Variants in RAPGEFL1 observed in about 807,000 individuals in gnomAD.
RAPGEFL1 encodes rap guanine nucleotide exchange factor-like 1.
RAPGEFL1 carries 31 observed loss-of-function variants against 64.4 expected under a neutral mutation model. The ratio of observed to expected loss-of-function variants is 0.48; its 90% confidence interval spans 0.36 to 0.65. The LOEUF (loss-of-function observed/expected upper bound fraction) is 0.65, where lower values mean the gene tolerates loss of function less well. Ranked by LOEUF, RAPGEFL1 falls within the 30% of genes least tolerant of loss-of-function variation. The probability of loss-of-function intolerance (pLI) is 0.00; values close to 1 mark genes in which losing one functional copy is unlikely to be tolerated. For missense variants in RAPGEFL1, 682 were observed against 677.4 expected (o/e 1.01, Z -0.08); for synonymous variants, 331 against 274.1 (o/e 1.21, Z -2.05).
intron 1 of RAPGEFL1, among the ~76,000 whole-genome samples, chr17:40,180,459 C>T (rs1383408109): frequency 3.3e-5 from 5 of 152,116 alleles, no homozygotes; most frequent in Non-Finnish European, 7.4e-5. Context: ...CCAATGTTCT[C>T]AAGTCATCCT....
Position 40,191,746 on chromosome 17 carries a change from G to C in RAPGEFL1, c.1605+74G>C. On this transcript the variant is annotated intron_variant, in intron 10 of 14. Transcript: ENST00000620260. This position sits in a 1 kb window ranked among gnomAD's most constrained non-coding sequence, Gnocchi z 5.1. The stretch of plus-strand genomic sequence containing the variant: ...TCCCCGAAGTGCGTCCTCCCGGGAC[G>C]GCCGCCGGCCTGGAGGGAGTCTTTG... 1 of 1,448,158 alleles carries C rather than the reference G, an allele frequency of 6.9e-7. No individual in the cohort carries two copies. Among genetic ancestry groups the C allele is most frequent in the Non-Finnish European group, 9.5e-7 (1 of 1,051,378 alleles). 89.7% of individuals were successfully genotyped at this position (1,448,158 alleles called of 1,614,324 possible).
chr17:40,184,045 T>C (rs1989982398), intron 2 of RAPGEFL1, among the ~76,000 whole-genome samples, 169 bp from the exon 3 acceptor site: 1 of 151,956 alleles, frequency 6.6e-6, no homozygotes, highest in South Asian at 2.1e-4. Context: ...CGTTTCACCA[T>C]GTTGGCCAGA....
intron 1 of RAPGEFL1, among the ~76,000 whole-genome samples, chr17:40,180,164 C>T (rs865832181): frequency 6.6e-6 from 1 of 152,184 alleles, no homozygotes; most frequent in Non-Finnish European, 1.5e-5. Flanking sequence ...CGTTTCCTCA[C>T]CCTCATCCCT....
At chr17:40,184,110 C>A in intron 2 of RAPGEFL1, 104 bp from the exon 3 acceptor site, 1 of 873,362 alleles carries the variant, frequency 1.1e-6, no homozygotes, top group Non-Finnish European at 1.9e-6. Flanking sequence ...TCCCAAACTG[C>A]TGGGATTATA....
chr17:40,181,335 C>T (rs1327595473), intron 1 of RAPGEFL1: 1 of 567,544 alleles, frequency 1.8e-6, no homozygotes, highest in African/African-American at 1.9e-5. Context: ...TGACCAACTT[C>T]CCACATACGC....
chr17:40,183,167 TA>T (rs1261040862), intron 2 of RAPGEFL1, among the ~76,000 whole-genome samples: 2 of 151,868 alleles, frequency 1.3e-5, no homozygotes, highest in African/African-American at 4.8e-5. Context: ...AATAAATAAA[TA>T]AATAAAAGTA....
At position 40,192,675 on chromosome 17, in the gene RAPGEFL1, G is replaced by A. The variant is rs1404074444; in HGVS notation, c.1726G>A (p.Val576Met). 2.0e-5 allele frequency: 33 copies of A among 1,613,518 alleles called. No individual in the cohort carries two copies. Among genetic ancestry groups the A allele is most frequent in the African/African-American group, 2.7e-5 (2 of 74,810 alleles). The part of the protein sequence containing the change: ...SKMKPPVIPF[V>M]PLILKDLTFL... Reference sequence around the variant, plus strand: ...AATGAAGCCCCCTGTGATTCCCTTCGTGCCTCTGATCCTCAAAGGTGAGAG... The same window carrying A: ...AATGAAGCCCCCTGTGATTCCCTTCATGCCTCTGATCCTCAAAGGTGAGAG... Residue 576 changes from valine (V) to methionine (M), a missense_variant, in exon 12 of 15, where the codon GTG (valine) becomes ATG (methionine). This residue lies in a region of RAPGEFL1 where 411 missense variants were observed against 519.4 expected (regional missense o/e 0.79). Transcript: ENST00000620260.
In RAPGEFL1 at chr17:40,192,331, C is replaced by T. The variant is rs1990304637; in HGVS notation, c.1656+68C>T. 4 of 1,507,478 alleles carry T rather than the reference C, an allele frequency of 2.7e-6. No individual in the cohort carries two copies. The East Asian group carries it at 9.1e-5, about 34-fold the overall frequency. 93.4% of individuals were successfully genotyped at this position (1,507,478 alleles called of 1,614,324 possible). ...CCAGAAACCCTCTGTTCCCATAAAC[C>T]CCCTTCCTCAAGCTTTCCTTTCAAG... On this transcript the variant is annotated intron_variant, in intron 11 of 14. Transcript: ENST00000620260.
intron 2 of RAPGEFL1, among the ~76,000 whole-genome samples, 160 bp from the exon 3 acceptor site, chr17:40,184,054 G>C (rs894216915): frequency 6.6e-6 from 1 of 151,890 alleles, no homozygotes. Flanking sequence ...ATGTTGGCCA[G>C]ACTGGTCTCG....
rs1468827171 is a variant in RAPGEFL1, at chr17:40,191,103, G to C, written c.1336-213G>C. ...GCCGTGAGCGAATGCCTGGCACCTAGTAAGTGCTCAGTAGCTGGTGAAATA... is the reference window on the plus strand; with the variant it reads ...GCCGTGAGCGAATGCCTGGCACCTACTAAGTGCTCAGTAGCTGGTGAAATA... On this transcript the variant is annotated intron_variant, in intron 8 of 14. Coordinates refer to ENST00000620260, the MANE Select transcript of RAPGEFL1 (RefSeq NM_016339.6). This position sits in a 1 kb window ranked among gnomAD's most constrained non-coding sequence, Gnocchi z 5.1. 3.6e-5 allele frequency: 22 copies of C among 604,148 alleles called. No individual in the cohort carries two copies. The highest frequency in any genetic ancestry group is 5.7e-5 in the Non-Finnish European group (20 of 351,068). The allele number at this position is 604,148 out of a possible 1,614,324, so 37.4% of individuals were successfully genotyped here.
chr17:40,191,323 T>A lies in RAPGEFL1; in HGVS notation c.1343T>A (p.Phe448Tyr). ...ELFRCVHELE[F>Y]VDYVFHGERG... is the part of the protein sequence containing the mutation. ...CCGCTGCCGTGGGTGCAGCTGGAGT[T>A]CGTGGACTACGTGTTCCACGGGGAG... Residue 448 changes from phenylalanine to tyrosine, a missense_variant, in exon 9 of 15, where the codon TTC (phenylalanine) becomes TAC (tyrosine). Physicochemically the swap from Phe to Tyr is conservative, Grantham distance 22. This residue lies in a region of RAPGEFL1 where 411 missense variants were observed against 519.4 expected (regional missense o/e 0.79). Transcript: ENST00000620260. This position sits in a 1 kb window ranked among gnomAD's most constrained non-coding sequence, Gnocchi z 5.1. 6.3e-7 allele frequency: 1 copy of A among 1,580,954 alleles called. No homozygotes were observed. Among genetic ancestry groups the A allele is most frequent in the Non-Finnish European group, 8.5e-7 (1 of 1,172,480 alleles).
intron 4 of RAPGEFL1, among the ~76,000 whole-genome samples, chr17:40,187,911 C>CTT (rs1388229344): frequency 1.4e-5 from 2 of 145,914 alleles, no homozygotes; most frequent in African/African-American, 5.1e-5. Context: ...CCGCGCCTGG[C>CTT]CTTTTTTTTT....
chr17:40,191,963 G>A lies in RAPGEFL1; in HGVS notation c.1606-250G>A, dbSNP rs1467544135. Among the ~76,000 whole-genome samples the A allele has an allele frequency of 6.6e-6, 1 of 152,198 alleles. No individual in the cohort carries two copies. The highest frequency in any genetic ancestry group is 1.5e-5 in the Non-Finnish European group (1 of 68,036). ...GGCTGATTTTCATCCACACTCAGTG[G>A]GGGCATCTTTATACAAAGCACCTGC... is the stretch of plus-strand genomic sequence containing the variant. On this transcript the variant is annotated intron_variant, in intron 10 of 14. Transcript: ENST00000620260. The surrounding 1 kb of genome is among the most constrained non-coding windows in gnomAD (Gnocchi z 5.1).
Position 40,178,358 on chromosome 17 carries a change from C to T in RAPGEFL1, c.497C>T (p.Ala166Val), listed in dbSNP as rs1989788360. The change falls in exon 1 of 15, where the codon GCT (alanine) becomes GTT (valine). Residue 166 changes from alanine (A) to valine (V), a missense_variant. Physicochemically the swap from Ala to Val is moderately conservative, Grantham distance 64. This residue lies in a region of RAPGEFL1 where 271 missense variants were observed against 158.0 expected (regional missense o/e 1.72). Coordinates refer to ENST00000620260, the MANE Select transcript of RAPGEFL1 (RefSeq NM_016339.6). ...GTTCTGGAGCGGCTTGCTGGAGGGGCTACCAGGGACAGCGCCGCCTCAGGT... is the reference window on the plus strand; with the variant it reads ...GTTCTGGAGCGGCTTGCTGGAGGGGTTACCAGGGACAGCGCCGCCTCAGGT... Reference protein sequence around the residue: ...NRVLERLAGGATRDSAASDIL... With the variant: ...NRVLERLAGGVTRDSAASDIL... 2 of 543,008 alleles carry T rather than the reference C, an allele frequency of 3.7e-6. No individual in the cohort carries two copies. The highest frequency in any genetic ancestry group is 6.6e-6 in the Non-Finnish European group (2 of 301,506). 33.6% of individuals were successfully genotyped at this position (543,008 alleles called of 1,614,324 possible).
chr17:40,185,376 A>G (rs1276708765), intron 4 of RAPGEFL1, among the ~76,000 whole-genome samples: 1 of 152,022 alleles, frequency 6.6e-6, no homozygotes, highest in Admixed American at 6.6e-5. Context: ...CATACAGTAG[A>G]TGTAGTAAAA....
upstream of RAPGEFL1, chr17:40,177,187 G>A (rs1598435702): frequency 1.4e-6 from 1 of 702,638 alleles, no homozygotes; most frequent in Middle Eastern, 2.3e-4. Flanking sequence ...GGGTACACAG[G>A]TAGGTGAGTG....
intron 12 of RAPGEFL1, 61 bp downstream of exon 12, chr17:40,192,754 G>C (rs565610134): frequency 6.6e-7 from 1 of 1,510,068 alleles, no homozygotes; most frequent in South Asian, 1.1e-5. Context: ...CCTATGCCCT[G>C]CTTCTGACTT....
In RAPGEFL1 at chr17:40,191,845, C is replaced by T. The variant is rs1990285493; in HGVS notation, c.1605+173C>T. Among the ~76,000 whole-genome samples the T allele has an allele frequency of 6.6e-6, 1 of 152,228 alleles. No individual in the cohort carries two copies. The highest frequency in any genetic ancestry group is 1.5e-5 in the Non-Finnish European group (1 of 68,040). On this transcript the variant is annotated intron_variant, in intron 10 of 14. Transcript: ENST00000620260. The surrounding 1 kb of genome is among the most constrained non-coding windows in gnomAD (Gnocchi z 5.1). ...GCACAGCTTGGCTAATGGACCCTGT[C>T]TTTGTGCAAATTAGTGAAAAGCCCG...
At chr17:40,186,608 AAG>A (rs1408905926) in intron 4 of RAPGEFL1, among the ~76,000 whole-genome samples, 32 of 137,940 alleles carry the variant, frequency 2.3e-4, no homozygotes, top group Non-Finnish European at 3.5e-4. Context: ...AAAAAAAAAA[AAG>A]AGGTGGGCTG....
Sources: allele counts gnomAD v4.1 joint callset (sites outside exome capture counted in the v4.1 genomes callset), GRCh38; gene constraint gnomAD v4.1.1; regional missense constraint gnomAD v4.1.1; non-coding constraint Gnocchi (gnomAD v3.1); transcripts MANE v1.5; gene names NCBI Gene and HGNC (gene_info 2026-07-23, HGNC 2026-07-21).